ADGRL2: variants seen among roughly 807,000 people sequenced by gnomAD.
ADGRL2 encodes the protein calcium-independent alpha-latrotoxin receptor 2.
ADGRL2 carries 44 observed loss-of-function variants against 157.4 expected under a neutral mutation model. The observed-to-expected ratio is 0.28, with a 90% confidence interval of 0.22 to 0.36. The LOEUF (loss-of-function observed/expected upper bound fraction) is 0.36, where lower values mean the gene tolerates loss of function less well. Ranked by LOEUF, ADGRL2 falls within the 10% of genes least tolerant of loss-of-function variation. The pLI is 1.00. For synonymous variants in ADGRL2, 585 were observed against 624.7 expected (o/e 0.94, Z 0.95); for missense variants, 1,510 against 1,768.9 (o/e 0.85, Z 2.63).
chr1:81,927,675 A>G (rs2095139098), intron 3 of ADGRL2, among the ~76,000 whole-genome samples: 1 of 152,012 alleles, frequency 6.6e-6, no homozygotes, highest in African/African-American at 2.4e-5. Flanking sequence ...TATGATGGTT[A>G]GAAATCTAGA....
chr1:81,695,131 G>T (rs1482054560), upstream of ADGRL2, among the ~76,000 whole-genome samples: 3 of 151,916 alleles, frequency 2.0e-5, no homozygotes, highest in Non-Finnish European at 4.4e-5. Context: ...TCTAGATAGG[G>T]TAAAATAAAC....
intron 1 of ADGRL2, among the ~76,000 whole-genome samples, chr1:81,430,285 G>A (rs1432246918): frequency 6.6e-6 from 1 of 152,174 alleles, no homozygotes; most frequent in Non-Finnish European, 1.5e-5. Flanking sequence ...AATAAAGCAA[G>A]GTTAAAGAAT....
intron 2 of ADGRL2, among the ~76,000 whole-genome samples, chr1:81,778,683 T>C (rs1176501365): frequency 1.3e-5 from 2 of 152,160 alleles, no homozygotes; most frequent in Non-Finnish European, 2.9e-5. Flanking sequence ...CTCTCCAATG[T>C]CTCCCTCCTC....
intron 2 of ADGRL2, among the ~76,000 whole-genome samples, chr1:81,477,139 C>T (rs1056957843): frequency 6.6e-5 from 10 of 152,246 alleles, no homozygotes; most frequent in Non-Finnish European, 8.8e-5. Flanking sequence ...CCACCATGCA[C>T]TGTGCTATGG....
intron 2 of ADGRL2, among the ~76,000 whole-genome samples, chr1:81,521,042 A>G (rs1273196506): frequency 1.3e-5 from 2 of 152,204 alleles, no homozygotes; most frequent in African/African-American, 2.4e-5. Flanking sequence ...TTTTATTCAC[A>G]TCACATTGGA....
exon 1 of ADGRL2, chr1:81,306,297 G>A (rs1365094077): frequency 6.6e-6 from 1 of 152,126 alleles, no homozygotes; most frequent in Non-Finnish European, 1.5e-5. Flanking sequence ...CAAATCAGGA[G>A]CCGTGGCTCT....
Position 81,981,865 on chromosome 1 carries a change from T to C in ADGRL2, c.3171T>C (p.Phe1057=). The C allele has an allele frequency of 6.2e-7, 1 of 1,612,580 alleles. No individual in the cohort carries two copies. The highest frequency in any genetic ancestry group is 8.5e-7 in the Non-Finnish European group (1 of 1,179,012). The change falls in exon 19 of 24, where the codon TTT becomes TTC. Residue 1057 remains phenylalanine, a synonymous_variant. Transcript: ENST00000686636. ...LLCLLGLTWS[F]GLLFINEETI... ...GTCTTCTTGGCCTCACCTGGTCCTT[T>C]GGGTTGCTTTTTATTAATGAGGAGA...
chr1:81,571,594 A>G (rs1040691847), intron 2 of ADGRL2, among the ~76,000 whole-genome samples: 1 of 151,750 alleles, frequency 6.6e-6, no homozygotes, highest in East Asian at 1.9e-4. Context: ...ATATTGTACA[A>G]TTTTAGGAAA....
chr1:81,699,562 A>G (rs1483516514), upstream of ADGRL2, among the ~76,000 whole-genome samples: 1 of 152,188 alleles, frequency 6.6e-6, no homozygotes, highest in Non-Finnish European at 1.5e-5. Flanking sequence ...ACCTGATCAC[A>G]GCCACACCCA....
At chr1:81,970,736 C>T in intron 16 of ADGRL2, among the ~76,000 whole-genome samples, 1 of 152,064 alleles carries the variant, frequency 6.6e-6, no homozygotes, top group East Asian at 1.9e-4. Context: ...AAGGCAGATT[C>T]CAAATTATGG....
chr1:81,664,555 G>A (rs112463251), intron 3 of ADGRL2, among the ~76,000 whole-genome samples: 1 of 152,116 alleles, frequency 6.6e-6, no homozygotes, highest in Non-Finnish European at 1.5e-5. Context: ...AATTCTTTCA[G>A]TTCTCAAGAG....
intron 3 of ADGRL2, among the ~76,000 whole-genome samples, chr1:81,661,674 G>A (rs951227649): frequency 6.6e-6 from 1 of 152,142 alleles, no homozygotes; most frequent in African/African-American, 2.4e-5. Flanking sequence ...TTCACAGGTT[G>A]ATTATACATC....
At chr1:81,685,685 G>C (rs2083214562) in intron 3 of ADGRL2, among the ~76,000 whole-genome samples, 8 of 152,162 alleles carry the variant, frequency 5.3e-5, no homozygotes, top group Admixed American at 5.2e-4. Context: ...AAGAGGAGTG[G>C]TCAGAGTGGG....
intron 1 of ADGRL2, among the ~76,000 whole-genome samples, chr1:81,737,128 C>T (rs1366788979): frequency 6.6e-6 from 1 of 152,122 alleles, no homozygotes; most frequent in African/African-American, 2.4e-5. Flanking sequence ...GCCACCATGC[C>T]CGGCCAACTC....
At chr1:81,890,974 G>A (rs2094248578) in intron 2 of ADGRL2, among the ~76,000 whole-genome samples, 1 of 152,058 alleles carries the variant, frequency 6.6e-6, no homozygotes, top group Admixed American at 6.6e-5. Flanking sequence ...CTCAGGGTTG[G>A]CAGCCATCTT....
At chr1:81,521,529 C>T (rs1388283960) in intron 2 of ADGRL2, among the ~76,000 whole-genome samples, 2 of 152,074 alleles carry the variant, frequency 1.3e-5, no homozygotes, top group Non-Finnish European at 2.9e-5. Flanking sequence ...ATATCTTATA[C>T]TTACCTATAT....
At chr1:81,815,974 T>A (rs916237605) in intron 1 of ADGRL2, among the ~76,000 whole-genome samples, 1 of 151,794 alleles carries the variant, frequency 6.6e-6, no homozygotes, top group African/African-American at 2.4e-5. Context: ...TTTTAATAAG[T>A]TTAAGAGTAT....
intron 3 of ADGRL2, among the ~76,000 whole-genome samples, chr1:81,676,351 G>C (rs2082989597): frequency 6.6e-6 from 1 of 151,998 alleles, no homozygotes; most frequent in South Asian, 2.1e-4. Context: ...CTGCTGCCCA[G>C]GTTGAAGTGC....
chr1:81,563,630 T>G (rs1431515084), intron 2 of ADGRL2, among the ~76,000 whole-genome samples: 1 of 152,208 alleles, frequency 6.6e-6, no homozygotes, highest in Non-Finnish European at 1.5e-5. Flanking sequence ...ACTCTTTTTT[T>G]GTTTTTCAGT....
Sources: allele counts gnomAD v4.1 joint callset (sites outside exome capture counted in the v4.1 genomes callset), GRCh38; gene constraint gnomAD v4.1.1; transcripts MANE v1.5; gene names NCBI Gene and HGNC (gene_info 2026-07-23, HGNC 2026-07-21).